The following MAPK7 variants were observed in gnomAD, a reference collection of about 807,000 sequenced individuals.
The protein encoded by MAPK7 is mitogen-activated protein kinase 7, also known as BMK-1.
In MAPK7, 30 loss-of-function variants were observed where a neutral mutation model predicts 56.9. The observed-to-expected ratio is 0.53, with a 90% confidence interval of 0.39 to 0.72. The LOEUF (loss-of-function observed/expected upper bound fraction) is 0.72. Ranked by LOEUF, MAPK7 falls within the 30% of genes least tolerant of loss-of-function variation. The probability of loss-of-function intolerance (pLI) is 0.00; values close to 1 mark genes in which losing one functional copy is unlikely to be tolerated. For synonymous variants in MAPK7, 516 were observed against 449.3 expected (o/e 1.15, Z -1.88); for missense variants, 952 against 1,110.8 (o/e 0.86, Z 2.03).
intron 5 of MAPK7, 149 bp downstream of exon 5, chr17:19,382,615 C>T: frequency 1.4e-6 from 2 of 1,469,608 alleles, no homozygotes; most frequent in South Asian, 1.4e-5. Flanking sequence ...AGCATAATGG[C>T]AATGAAGAGG....
chr17:19,381,949 G>C lies in MAPK7; in HGVS notation c.1646G>C (p.Gly549Ala), dbSNP rs56388327. The change falls in exon 5 of 7, where the codon GGG becomes GCG. Residue 549 changes from glycine to alanine, a missense_variant. By Grantham distance (60) the Gly-to-Ala change is moderately conservative. Transcript: ENST00000395604. The surrounding 1 kb of genome is among the most constrained non-coding windows in gnomAD (Gnocchi z 4.6). ...ERKERGAGAS[G>A]GPSTDPLAGL... ...AAGGAACGGGGGGCTGGGGCCTCTG[G>C]GGGCCCCTCCACTGACCCCTTGGCT... is the stretch of plus-strand genomic sequence containing the variant. The C allele has an allele frequency of 1.6e-3, 2,539 of 1,551,772 alleles. 4 individuals carry two copies. Among genetic ancestry groups the C allele is most frequent in the Non-Finnish European group, 1.9e-3 (2,213 of 1,147,186 alleles).
chr17:19,382,024 G>T lies in MAPK7; in HGVS notation c.1721G>T (p.Arg574Leu), dbSNP rs1191025186. 8 of 1,560,582 alleles carry T rather than the reference G, an allele frequency of 5.1e-6. No individual in the cohort carries two copies. In the East Asian group the frequency reaches 1.9e-4, roughly 38 times the overall value. Residue 574 changes from arginine to leucine, a missense_variant, in exon 5 of 7, where the codon CGA (arginine) becomes CTA (leucine). Coordinates refer to ENST00000395604, the MANE Select transcript of MAPK7 (RefSeq NM_002749.4). ...AGAAGCCTGTTGGAACGCTGGACTC[G>T]AATGGCCCGGCCCGCAGCCCCAGCC... Reference protein sequence around the residue: ...NDRSLLERWTRMARPAAPALT... With the variant: ...NDRSLLERWTLMARPAAPALT...
In MAPK7 at chr17:19,380,144, T is replaced by TTTA; in HGVS notation, c.398+199_398+200insATT. 3 of 629,164 alleles carry TTTA rather than the reference T, an allele frequency of 4.8e-6. No homozygotes were observed. In the South Asian group the frequency reaches 6.2e-5, roughly 13 times the overall value. 39.0% of individuals were successfully genotyped at this position (629,164 alleles called of 1,614,324 possible). On this transcript the variant is annotated intron_variant, in intron 3 of 6. Transcript: ENST00000395604. ...AAGAAGTGTACAGATGATTTTACAG[T>TTTA]TTTATAGAATCTTAGTATATAGGAT... is the stretch of plus-strand genomic sequence containing the variant.
chr17:19,380,710 G>A lies in MAPK7; in HGVS notation c.501G>A (p.Leu167=), dbSNP rs199800497. ...TGCGCTACTTCCTGTACCAACTGCT[G>A]CGGGGCCTGAAGTACATGCACTCGG... is the stretch of plus-strand genomic sequence containing the variant. ...EHVRYFLYQL[L]RGLKYMHSAQ... is the part of the protein sequence containing the mutation. The change falls in exon 4 of 7, where the codon CTG becomes CTA. Residue 167 remains leucine, a synonymous_variant. Transcript: ENST00000395604. 94 of 1,614,198 alleles carry A rather than the reference G, an allele frequency of 5.8e-5. No individual in the cohort carries two copies. In the East Asian group the frequency reaches 2.1e-3, roughly 36 times the overall value.
In MAPK7 at chr17:19,382,201, G is replaced by T; in HGVS notation, c.1898G>T (p.Cys633Phe). The T allele has an allele frequency of 6.2e-7, 1 of 1,611,506 alleles. No homozygotes were observed. Among genetic ancestry groups the T allele is most frequent in the Middle Eastern group, 1.7e-4 (1 of 6,022 alleles). ...TCTGGCCCTGTACCCCAGCCTGCCT[G>T]CCCACCCCCTGGCCCTGCACCCCAC... Reference protein sequence around the residue: ...STSGPVPQPACPPPGPAPHPT... With the variant: ...STSGPVPQPAFPPPGPAPHPT... The change falls in exon 5 of 7, where the codon TGC becomes TTC. Residue 633 changes from cysteine to phenylalanine, a missense_variant. By Grantham distance (205) the Cys-to-Phe change is radical. Around this residue, in one of 5 missense-constraint regions of MAPK7, gnomAD observed 234 missense variants for 210.4 expected, o/e 1.11. Coordinates refer to ENST00000395604, the MANE Select transcript of MAPK7 (RefSeq NM_002749.4).
In MAPK7 at chr17:19,379,572, C is replaced by G. The variant is rs1260737449; in HGVS notation, c.233-210C>G. On this transcript the variant is annotated intron_variant, in intron 2 of 6. Transcript: ENST00000395604. Reference sequence around the variant, plus strand: ...ATATTTCCTTCTCTTTAACGTTGACCTATTGGGACCTGCCCCGCAGGGGAG... The same window carrying G: ...ATATTTCCTTCTCTTTAACGTTGACGTATTGGGACCTGCCCCGCAGGGGAG... 8.5e-6 allele frequency: 5 copies of G among 588,738 alleles called. No homozygotes were observed. In the African/African-American group the frequency reaches 9.3e-5, roughly 11 times the overall value. The allele number at this position is 588,738 out of a possible 1,614,324, so 36.5% of individuals were successfully genotyped here.
Position 19,378,745 on chromosome 17 carries a change from T to C in MAPK7, c.-6+115T>C. Reference sequence around the variant, plus strand: ...GCCCCCGGCTCTGGGCCCGGACCCCTGGGGTAGCTAGTCTGCCACGAACCA... The same window carrying C: ...GCCCCCGGCTCTGGGCCCGGACCCCCGGGGTAGCTAGTCTGCCACGAACCA... On this transcript the variant is annotated intron_variant, in intron 1 of 6. Coordinates refer to ENST00000395604, the MANE Select transcript of MAPK7 (RefSeq NM_002749.4). The surrounding 1 kb of genome is among the most constrained non-coding windows in gnomAD (Gnocchi z 5.4). 5 of 1,269,734 alleles carry C rather than the reference T, an allele frequency of 3.9e-6. No individual in the cohort carries two copies. The highest frequency in any genetic ancestry group is 4.1e-6 in the Non-Finnish European group (4 of 968,580). The allele number at this position is 1,269,734 out of a possible 1,614,324, so 78.7% of individuals were successfully genotyped here. A position where few individuals can be genotyped will look rare whatever the true frequency, so the allele number is the denominator to read the frequency against.
rs746713787 is a variant in MAPK7 at position 19,379,113 on chromosome 17, C to A, written c.213C>A (p.Ser71=). The change falls in exon 2 of 7, where the codon TCC becomes TCA. Residue 71 remains serine (S), a synonymous_variant. Coordinates refer to ENST00000395604, the MANE Select transcript of MAPK7 (RefSeq NM_002749.4). The stretch of plus-strand genomic sequence containing the variant: ...ACGGGGCCTATGGAGTGGTGTCCTC[C>A]GCCCGCCGCCGCCTCACCGGTGAGC... ...IGNGAYGVVS[S]ARRRLTGQQV... 1.1e-5 allele frequency: 18 copies of A among 1,611,334 alleles called. No individual in the cohort carries two copies. The Admixed American group carries it at 3.0e-4, about 27-fold the overall frequency.
intron 5 of MAPK7, 82 bp from the exon 6 acceptor site, chr17:19,382,731 C>T (rs1598119118): frequency 3.2e-6 from 5 of 1,544,304 alleles, no homozygotes; most frequent in Middle Eastern, 3.6e-4. Flanking sequence ...CCCAGATATC[C>T]AGGCGGAGTA....
At position 19,379,864 on chromosome 17, in the gene MAPK7, C is replaced by A. The variant is rs771442649; in HGVS notation, c.315C>A (p.Ile105=). The A allele has an allele frequency of 1.2e-6, 2 of 1,614,214 alleles. No individual in the cohort carries two copies. Among genetic ancestry groups the A allele is most frequent in the South Asian group, 2.2e-5 (2 of 91,092 alleles). ...NAKRTLRELK[I]LKHFKHDNII... is the part of the protein sequence containing the mutation. ...AGCGGACCCTCAGGGAGCTGAAGAT[C>A]CTCAAGCACTTTAAACACGACAACA... Residue 105 remains isoleucine, a synonymous_variant, in exon 3 of 7, where the codon ATC becomes ATA. Transcript: ENST00000395604.
upstream of MAPK7, chr17:19,377,985 G>T: frequency 4.1e-6 from 4 of 985,426 alleles, no homozygotes; most frequent in Non-Finnish European, 4.8e-6. Flanking sequence ...GATCTCTGTG[G>T]TTGGCCGTGA....
At chr17:19,377,935 G>C, upstream of MAPK7, 5 of 985,410 alleles carry the variant, frequency 5.1e-6, no homozygotes, top group Non-Finnish European at 6.0e-6. Flanking sequence ...GGAAGTCAGT[G>C]GAGGGTTCGG....
At chr17:19,379,433 T>G in intron 2 of MAPK7, 1 of 558,404 alleles carries the variant, frequency 1.8e-6, no homozygotes, top group Non-Finnish European at 3.2e-6. Context: ...AGCCAGACAC[T>G]GGCATAAGGA....
chr17:19,381,978 C>T lies in MAPK7; in HGVS notation c.1675C>T (p.Leu559=), dbSNP rs1912725885. 2.6e-6 allele frequency: 4 copies of T among 1,551,946 alleles called. 1 individual carries two copies. Among genetic ancestry groups the T allele is most frequent in the Admixed American group, 3.9e-5 (2 of 51,018 alleles). The change falls in exon 5 of 7, where the codon CTA becomes TTA. Residue 559 remains leucine, a synonymous_variant. Coordinates refer to ENST00000395604, the MANE Select transcript of MAPK7 (RefSeq NM_002749.4). This position sits in a 1 kb window ranked among gnomAD's most constrained non-coding sequence, Gnocchi z 4.6. ...GGPSTDPLAG[L]VLSDNDRSLL... is the part of the protein sequence containing the mutation. ...CCCCTCCACTGACCCCTTGGCTGGACTAGTGCTCAGTGACAATGACAGAAG... is the reference window on the plus strand; with the variant it reads ...CCCCTCCACTGACCCCTTGGCTGGATTAGTGCTCAGTGACAATGACAGAAG...
In MAPK7 at chr17:19,382,037, C is replaced by A. The variant is rs1020132130; in HGVS notation, c.1734C>A (p.Pro578=). 1.9e-6 allele frequency: 3 copies of A among 1,568,130 alleles called. No individual in the cohort carries two copies. Among genetic ancestry groups the A allele is most frequent in the Non-Finnish European group, 2.6e-6 (3 of 1,157,052 alleles). ...AACGCTGGACTCGAATGGCCCGGCC[C>A]GCAGCCCCAGCCCTCACCTCTGTGC... The part of the protein sequence containing the change: ...LLERWTRMAR[P]AAPALTSVPA... Residue 578 remains proline (P), a synonymous_variant, in exon 5 of 7, where the codon CCC becomes CCA. Transcript: ENST00000395604.
At chr17:19,379,251 C>A in intron 2 of MAPK7, 119 bp downstream of exon 2, 1 of 892,036 alleles carries the variant, frequency 1.1e-6, no homozygotes, top group Non-Finnish European at 1.7e-6. Context: ...AGTCAACACA[C>A]ACTGACCAGG....
chr17:19,379,533 C>G (rs900301790), intron 2 of MAPK7: 2 of 570,322 alleles, frequency 3.5e-6, no homozygotes, highest in Non-Finnish European at 6.2e-6. Flanking sequence ...CAACCTCCAA[C>G]AAGTTACTAA....
chr17:19,377,895 G>A (rs998897902), upstream of MAPK7: 13 of 985,444 alleles, frequency 1.3e-5, no homozygotes, highest in South Asian at 4.7e-5. Flanking sequence ...AGTCCAACTT[G>A]GCCGGAAGCT....
chr17:19,380,505 AG>A (rs1328436893), intron 3 of MAPK7, 102 bp from the exon 4 acceptor site: 1 of 1,489,702 alleles, frequency 6.7e-7, no homozygotes, highest in African/African-American at 1.4e-5. Flanking sequence ...TCCCAGGGTA[AG>A]GCTGTTACCT....
Sources: allele counts gnomAD v4.1 joint callset, GRCh38; gene constraint gnomAD v4.1.1; regional missense constraint gnomAD v4.1.1; non-coding constraint Gnocchi (gnomAD v3.1); transcripts MANE v1.5; gene names NCBI Gene and HGNC (gene_info 2026-07-23, HGNC 2026-07-21).